Variants in STK3 observed in about 807,000 individuals in gnomAD.
STK3 encodes the protein serine/threonine kinase 3.
STK3 carries 41 observed loss-of-function variants against 58.0 expected under a neutral mutation model. The observed-to-expected ratio is 0.71, with a 90% CI of 0.55 to 0.92. The LOEUF (loss-of-function observed/expected upper bound fraction) is 0.92, where lower values mean the gene tolerates loss of function less well. STK3 is among the 40% of genes least tolerant of loss of function. STK3 has a pLI of 0.00. For synonymous variants in STK3, 170 were observed against 191.0 expected (o/e 0.89, Z 0.91); for missense variants, 479 against 602.7 (o/e 0.79, Z 2.15).
intron 1 of STK3, among the ~76,000 whole-genome samples, chr8:98,902,531 C>T (rs1838696124): frequency 6.6e-6 from 1 of 152,170 alleles, no homozygotes. Context: ...ATCCTCTTCC[C>T]TCACCACGCC....
intron 1 of STK3, among the ~76,000 whole-genome samples, chr8:98,807,369 G>T (rs1833952156): frequency 6.6e-6 from 1 of 151,892 alleles, no homozygotes; most frequent in African/African-American, 2.4e-5. Context: ...CAATTCTTGT[G>T]CCCCAGCCTC....
intron 6 of STK3, among the ~76,000 whole-genome samples, chr8:98,705,453 AC>A (rs1393455027): frequency 1.3e-5 from 2 of 152,098 alleles, no homozygotes; most frequent in Non-Finnish European, 2.9e-5. Context: ...ATGTTTCAAT[AC>A]AGCAGACAGA....
chr8:98,738,628 A>T (rs1255054293), intron 4 of STK3, among the ~76,000 whole-genome samples: 1 of 152,242 alleles, frequency 6.6e-6, no homozygotes, highest in Non-Finnish European at 1.5e-5. Flanking sequence ...GCTGAATAGG[A>T]ACAGCTCTGG....
At chr8:98,818,142 A>C (rs1834666988) in intron 1 of STK3, among the ~76,000 whole-genome samples, 1 of 152,130 alleles carries the variant, frequency 6.6e-6, no homozygotes, top group Non-Finnish European at 1.5e-5. Context: ...ATAACTTCTC[A>C]ATGTCAGGTT....
intron 1 of STK3, among the ~76,000 whole-genome samples, chr8:98,778,100 G>A (rs966153489): frequency 2.3e-4 from 35 of 152,090 alleles, no homozygotes; most frequent in African/African-American, 6.5e-4. Flanking sequence ...GCAACCTACA[G>A]AATGGGAGAA....
chr8:98,387,815 T>C (rs1380471231), intron 1 of STK3, among the ~76,000 whole-genome samples: 4 of 151,370 alleles, frequency 2.6e-5, no homozygotes. Flanking sequence ...AGGGCCCAGA[T>C]TGTTGTCTCT....
At chr8:98,395,376 T>C (rs1412641047) in intron 3 of STK3, among the ~76,000 whole-genome samples, 1 of 152,218 alleles carries the variant, frequency 6.6e-6, no homozygotes, top group Non-Finnish European at 1.5e-5. Context: ...AAAAACTTTG[T>C]GAGCATGCAC....
chr8:98,676,466 A>C (rs1249179126), intron 6 of STK3, among the ~76,000 whole-genome samples: 6 of 152,186 alleles, frequency 3.9e-5, no homozygotes, highest in African/African-American at 1.4e-4. Context: ...TACAAAAATT[A>C]GCCAGGAGTG....
At chr8:98,416,663 C>T (rs549298661) in intron 3 of STK3, among the ~76,000 whole-genome samples, 6 of 152,230 alleles carry the variant, frequency 3.9e-5, no homozygotes, top group East Asian at 3.9e-4. Context: ...CTAGAGCCTC[C>T]GTCATTTTAG....
At chr8:98,398,088 A>G (rs576319449), downstream of STK3, among the ~76,000 whole-genome samples, 1 of 152,302 alleles carries the variant, frequency 6.6e-6, no homozygotes, top group South Asian at 2.1e-4. Flanking sequence ...GAGCATGTCA[A>G]TGCCCCACAT....
intron 1 of STK3, among the ~76,000 whole-genome samples, chr8:98,939,553 T>G (rs1840324436): frequency 6.6e-6 from 1 of 152,176 alleles, no homozygotes; most frequent in Non-Finnish European, 1.5e-5. Context: ...CAAGGCAATC[T>G]TCAGCCGGCC....
chr8:98,644,949 C>A (rs761193153), intron 6 of STK3, among the ~76,000 whole-genome samples: 1 of 152,150 alleles, frequency 6.6e-6, no homozygotes, highest in Non-Finnish European at 1.5e-5. Context: ...GTGTCTCTTT[C>A]CCGGTCCACA....
chr8:98,920,134 C>T (rs1445797651), intron 1 of STK3, among the ~76,000 whole-genome samples: 5 of 152,288 alleles, frequency 3.3e-5, no homozygotes, highest in Admixed American at 3.3e-4. Context: ...TGTCCCAGGC[C>T]AGCCCTGCTC....
chr8:98,924,228 C>T (rs972646506), intron 1 of STK3, among the ~76,000 whole-genome samples: 3 of 152,180 alleles, frequency 2.0e-5, no homozygotes, highest in Non-Finnish European at 2.9e-5. Context: ...CAGGGAGAAC[C>T]TTGTCTGTTT....
At chr8:98,568,276 C>T (rs1407508878) in intron 8 of STK3, among the ~76,000 whole-genome samples, 1 of 152,052 alleles carries the variant, frequency 6.6e-6, no homozygotes, top group Non-Finnish European at 1.5e-5. Context: ...GGATAAACCC[C>T]AAAAGACAAA....
intron 3 of STK3, among the ~76,000 whole-genome samples, chr8:98,837,104 T>A (rs1289291511): frequency 6.6e-6 from 1 of 152,164 alleles, no homozygotes; most frequent in Non-Finnish European, 1.5e-5. Context: ...TGGTCTCAGA[T>A]ACCCCCGGAG....
intron 6 of STK3, among the ~76,000 whole-genome samples, chr8:98,700,385 A>G (rs1447796569): frequency 1.3e-5 from 2 of 152,138 alleles, no homozygotes; most frequent in Non-Finnish European, 2.9e-5. Flanking sequence ...TCCTGCGCCC[A>G]CTGTCTGGCA....
intron 1 of STK3, among the ~76,000 whole-genome samples, chr8:98,444,570 T>C (rs1818853400): frequency 6.6e-6 from 1 of 152,134 alleles, no homozygotes; most frequent in South Asian, 2.1e-4. Flanking sequence ...AAGACTGAAC[T>C]GGCAGAGGTA....
At chr8:98,573,361 C>T (rs940721211) in intron 8 of STK3, among the ~76,000 whole-genome samples, 4 of 152,106 alleles carry the variant, frequency 2.6e-5, no homozygotes, top group African/African-American at 7.2e-5. Flanking sequence ...GCAGAAAGCA[C>T]CTCTTCACAG....
Sources: gnomAD v4.1 joint callset for allele counts (sites outside exome capture counted in the v4.1 genomes callset) on GRCh38, gnomAD v4.1.1 for gene constraint, MANE v1.5 for transcripts, NCBI Gene and HGNC (gene_info 2026-07-23, HGNC 2026-07-21) for gene names.